Variants in DAAM1 observed in about 807,000 individuals in gnomAD.
DAAM1 encodes the protein dishevelled associated activator of morphogenesis 1.
DAAM1 carries 52 observed loss-of-function variants against 130.0 expected under a neutral mutation model. The observed-to-expected ratio is 0.40, with a 90% CI of 0.32 to 0.50. The LOEUF is 0.50. Ranked by LOEUF, DAAM1 falls within the 20% of genes least tolerant of loss-of-function variation. The probability of loss-of-function intolerance (pLI) is 0.61; values close to 1 mark genes in which losing one functional copy is unlikely to be tolerated. For missense variants in DAAM1, 1,134 were observed against 1,303.8 expected (o/e 0.87, Z 2.01); for synonymous variants, 452 against 444.5 (o/e 1.02, Z -0.21).
chr14:59,256,156 A>G (rs1423564103), intron 1 of DAAM1, among the ~76,000 whole-genome samples: 3 of 152,146 alleles, frequency 2.0e-5, no homozygotes. Context: ...TTAACATTTC[A>G]CTCATGTATT....
At chr14:59,315,069 A>T (rs1046515052) in intron 3 of DAAM1, among the ~76,000 whole-genome samples, 27 of 152,170 alleles carry the variant, frequency 1.8e-4, no homozygotes, top group Non-Finnish European at 2.9e-4. Flanking sequence ...ACACTTCAGC[A>T]TTCTCTGTGG....
In DAAM1 at chr14:59,320,771, T is replaced by TA. The variant is rs1257081107; in HGVS notation, c.440+196dup. 4.5e-3 allele frequency among the ~76,000 whole-genome samples: 677 copies of TA among 149,500 alleles called. 4 individuals carry two copies. Among genetic ancestry groups the TA allele is most frequent in the African/African-American group, 0.014 (583 of 40,824 alleles). ...GTATGTAGGCAGCCACTAGGATGGC[T>TA]AAAAAAAAACAAAACAGAGAGAGAC... On this transcript the variant is annotated intron_variant, in intron 5 of 24. Transcript: ENST00000360909.
chr14:59,262,154 G>T (rs1006167140), intron 1 of DAAM1, among the ~76,000 whole-genome samples: 4 of 151,592 alleles, frequency 2.6e-5, no homozygotes, highest in African/African-American at 9.7e-5. Flanking sequence ...AGCATGAAAA[G>T]AACATTTTTT....
Position 59,330,625 on chromosome 14 carries a change from T to A in DAAM1, c.1497T>A (p.Thr499=). The A allele has an allele frequency of 1.2e-6, 2 of 1,614,012 alleles. No homozygotes were observed. Among genetic ancestry groups the A allele is most frequent in the Middle Eastern group, 1.7e-4 (1 of 6,060 alleles). ...KMKEKLEKET[T]EHKQVKQQVA... ...AAGAGAAACTTGAAAAGGAGACTAC[T>A]GAGCATAAGCAAGTCAAGCAGCAGG... is the stretch of plus-strand genomic sequence containing the variant. The change falls in exon 13 of 25, where the codon ACT becomes ACA. Residue 499 remains threonine (T), a synonymous_variant. Transcript: ENST00000360909.
At chr14:59,240,122 TGCTGTA>T (rs750623977) in intron 1 of DAAM1, among the ~76,000 whole-genome samples, 51 of 152,210 alleles carry the variant, frequency 3.4e-4, no homozygotes, top group Non-Finnish European at 6.2e-4. Flanking sequence ...AAAATAATAA[TGCTGTA>T]GCTTGAAAGA....
chr14:59,366,613 A>G (rs1163149902), intron 23 of DAAM1, among the ~76,000 whole-genome samples: 2 of 152,354 alleles, frequency 1.3e-5, no homozygotes, highest in East Asian at 3.9e-4. Flanking sequence ...ATAGGAGGTC[A>G]TCATACATGT....
intron 2 of DAAM1, among the ~76,000 whole-genome samples, chr14:59,267,892 A>ACC (rs1555359218): frequency 7.9e-6 from 1 of 125,898 alleles, no homozygotes; most frequent in Non-Finnish European, 1.6e-5. Context: ...ATGTGGATAT[A>ACC]CGCCCCCCCC....
chr14:59,353,765 G>C, intron 18 of DAAM1, 111 bp from the exon 19 acceptor site: 1 of 878,698 alleles, frequency 1.1e-6, no homozygotes, highest in Non-Finnish European at 1.8e-6. Context: ...TGTCGGGGGA[G>C]TGGGTGGGTA....
At chr14:59,282,194 T>C (rs1356275417) in intron 2 of DAAM1, among the ~76,000 whole-genome samples, 1 of 152,126 alleles carries the variant, frequency 6.6e-6, no homozygotes, top group Non-Finnish European at 1.5e-5. Context: ...TAATGGAATT[T>C]TCCGTAAAAA....
chr14:59,258,588 G>A (rs1882015948), intron 1 of DAAM1, among the ~76,000 whole-genome samples: 1 of 152,356 alleles, frequency 6.6e-6, no homozygotes, highest in East Asian at 1.9e-4. Context: ...ACTAGTCAGT[G>A]AAGTGCTAGG....
intron 1 of DAAM1, among the ~76,000 whole-genome samples, chr14:59,192,147 G>A (rs1887749039): frequency 1.9e-5 from 2 of 106,254 alleles, no homozygotes; most frequent in Middle Eastern, 9.6e-3. Flanking sequence ...TGCTTGTTAA[G>A]GGGTGTGTGT....
chr14:59,202,230 G>A (rs540510214), intron 1 of DAAM1, among the ~76,000 whole-genome samples: 63 of 152,306 alleles, frequency 4.1e-4, no homozygotes, highest in African/African-American at 1.2e-3. Flanking sequence ...CGTCATAGAC[G>A]TGGGCAGGTC....
At chr14:59,290,047 A>T (rs1231590329) in intron 2 of DAAM1, among the ~76,000 whole-genome samples, 1 of 152,010 alleles carries the variant, frequency 6.6e-6, no homozygotes, top group East Asian at 1.9e-4. Context: ...TACCTTAGTG[A>T]TGGGATCATT....
chr14:59,279,265 C>A (rs1461823858), intron 2 of DAAM1, among the ~76,000 whole-genome samples: 1 of 152,094 alleles, frequency 6.6e-6, no homozygotes, highest in African/African-American at 2.4e-5. Context: ...CTCTGTAGAT[C>A]TACTTTTTCT....
intron 1 of DAAM1, among the ~76,000 whole-genome samples, chr14:59,249,857 G>C (rs1302811324): frequency 6.6e-6 from 1 of 152,138 alleles, no homozygotes; most frequent in African/African-American, 2.4e-5. Context: ...ATAAAATGTG[G>C]CTTATATGCA....
intron 1 of DAAM1, among the ~76,000 whole-genome samples, chr14:59,226,757 G>A (rs1469663197): frequency 6.6e-6 from 1 of 152,180 alleles, no homozygotes; most frequent in Non-Finnish European, 1.5e-5. Context: ...AGATGGAAAA[G>A]GGAAGGATCA....
chr14:59,356,104 C>G (rs1423709909), intron 20 of DAAM1, among the ~76,000 whole-genome samples: 1 of 152,148 alleles, frequency 6.6e-6, no homozygotes, highest in Non-Finnish European at 1.5e-5. Flanking sequence ...TCCTTGAGAG[C>G]TCTGTTTCTC....
intron 20 of DAAM1, among the ~76,000 whole-genome samples, chr14:59,356,303 G>T (rs1348529213): frequency 3.9e-5 from 6 of 152,204 alleles, no homozygotes; most frequent in Non-Finnish European, 5.9e-5. Context: ...CATCCAAGAA[G>T]AAATAAGCAA....
At chr14:59,313,260 A>G (rs534658178) in intron 3 of DAAM1, among the ~76,000 whole-genome samples, 3 of 152,206 alleles carry the variant, frequency 2.0e-5, no homozygotes, top group Non-Finnish European at 4.4e-5. Flanking sequence ...GGGAAACTGG[A>G]GATACATTGC....
Sources: allele counts gnomAD v4.1 joint callset (sites outside exome capture counted in the v4.1 genomes callset), GRCh38; gene constraint gnomAD v4.1.1; transcripts MANE v1.5; gene names NCBI Gene and HGNC (gene_info 2026-07-23, HGNC 2026-07-21).